NOC2L: variants seen among roughly 807,000 people sequenced by gnomAD.
NOC2L encodes nucleolar complex protein 2 homolog.
NOC2L carries 101 observed loss-of-function variants against 94.2 expected under a neutral mutation model. The ratio of observed to expected loss-of-function variants is 1.07; its 90% CI spans 0.91 to 1.26. The LOEUF (loss-of-function observed/expected upper bound fraction) is 1.26, where lower values mean the gene tolerates loss of function less well. NOC2L is among the 50% of genes most tolerant of loss of function. NOC2L has a pLI of 0.00. For synonymous variants in NOC2L, 531 were observed against 413.4 expected, an observed-to-expected ratio of 1.28 and a Z score of -3.45; for missense variants, 1,076 against 980.1, an observed-to-expected ratio of 1.10 and a Z score of -1.31.
chr1:945,836 C>G (rs1421113547), intron 16 of NOC2L, among the ~76,000 whole-genome samples, 183 bp from the exon 17 acceptor site: 1 of 152,224 alleles, frequency 6.6e-6, no homozygotes, highest in African/African-American at 2.4e-5. Context: ...AAAGGCAGAG[C>G]CCTTCCTGCT....
At chr1:956,325 G>T in intron 4 of NOC2L, 110 bp from the exon 5 acceptor site, 2 of 1,308,800 alleles carry the variant, frequency 1.5e-6, no homozygotes, top group Non-Finnish European at 2.1e-6. Context: ...CAGACATAGG[G>T]CAGAGGTTGG....
Position 959,020 on chromosome 1 carries a change from A to T in NOC2L, c.88T>A (p.Ser30Thr), listed in dbSNP as rs748591290. The change falls in exon 2 of 19, where the codon TCC becomes ACC. Residue 30 changes from serine to threonine, a missense_variant. Transcript: ENST00000327044. The stretch of plus-strand genomic sequence containing the variant: ...GCTTGTGGAGAATTTTCGGACTCGG[A>T]TTCGGACTCGGAGTCAAAGCCCGAA... ...LASGFDSESESESENSPQAET... is the reference protein window; with the variant it reads ...LASGFDSESETESENSPQAET... 1.9e-6 allele frequency: 3 copies of T among 1,612,398 alleles called. No individual in the cohort carries two copies.
rs746559665 is a variant in NOC2L at position 945,106 on chromosome 1, G to A, written c.2094C>T (p.Asp698=). Residue 698 remains aspartate (D), a synonymous_variant, in exon 18 of 19, where the codon GAC becomes GAT. Coordinates refer to ENST00000327044, the MANE Select transcript of NOC2L (RefSeq NM_015658.4). ...CGCCCTCCTCCTCGTCCTCTTCATCGTCTTCCACCCCATGCCGAGTGCTCA... is the reference window on the plus strand; with the variant it reads ...CGCCCTCCTCCTCGTCCTCTTCATCATCTTCCACCCCATGCCGAGTGCTCA... ...RPLSTRHGVE[D]DEEDEEEGEE... The A allele has an allele frequency of 2.9e-5, 46 of 1,613,256 alleles. No individual in the cohort carries two copies. The highest frequency in any genetic ancestry group is 8.8e-5 in the South Asian group (8 of 90,970).
At chr1:946,746 C>A in intron 14 of NOC2L, 1 of 586,866 alleles carries the variant, frequency 1.7e-6, no homozygotes, top group South Asian at 2.1e-5. Context: ...CCAACCCTGC[C>A]CACTACTCAC....
chr1:945,314 C>T (rs563727574), intron 17 of NOC2L, 168 bp from the exon 18 acceptor site: 3 of 981,224 alleles, frequency 3.1e-6, no homozygotes, highest in East Asian at 5.2e-5. Context: ...GGCCTGGGGA[C>T]AGAGTTACCA....
In NOC2L at chr1:959,237, C is replaced by T; in HGVS notation, c.4G>A (p.Ala2Thr). The T allele has an allele frequency of 6.2e-7, 1 of 1,606,888 alleles. No individual in the cohort carries two copies. The highest frequency in any genetic ancestry group is 8.5e-7 in the Non-Finnish European group (1 of 1,177,386). The change falls in exon 1 of 19, where the codon GCA becomes ACA. Residue 2 changes from alanine to threonine, a missense_variant. Ala to Thr is a moderately conservative substitution (Grantham distance 58). Around this residue, in one of 3 missense-constraint regions of NOC2L, gnomAD observed 457 missense variants for 386.0 expected, o/e 1.18. Transcript: ENST00000327044. ...TACCTCTTGCGGCTCCCCGCAGCTG[C>T]CATGACACCAACCCGAAGCGTGCAC... is the stretch of plus-strand genomic sequence containing the variant. The part of the protein sequence containing the change: M[A>T]AAGSRKRRLA...
rs1162604753 is a variant in NOC2L at position 946,507 on chromosome 1, G to A, written c.1698C>T (p.Tyr566=). The change falls in exon 15 of 19, where the codon TAC becomes TAT. Residue 566 remains tyrosine (Y), a synonymous_variant. Transcript: ENST00000327044. ...CAAGCAGCTGCTGCACCTGCCGGCA[G>A]TAGTTGGCCACCTTGCACTCCCGGA... ...SFLRECKVAN[Y]CRQVQQLLGK... is the part of the protein sequence containing the mutation. 4.3e-6 allele frequency: 7 copies of A among 1,613,156 alleles called. No individual in the cohort carries two copies. The highest frequency in any genetic ancestry group is 1.7e-6 in the Non-Finnish European group (2 of 1,179,974).
At chr1:954,409 A>C in intron 6 of NOC2L, 13 of 292,966 alleles carry the variant, frequency 4.4e-5, no homozygotes, top group Non-Finnish European at 5.7e-5. Flanking sequence ...CCTTGATCAC[A>C]TCCCCACCGT....
chr1:948,385 G>A lies in NOC2L; in HGVS notation c.1557+105C>T, dbSNP rs557902070. The A allele has an allele frequency of 4.3e-5, 45 of 1,053,164 alleles. No individual in the cohort carries two copies. In the African/African-American group the frequency reaches 6.8e-4, roughly 16 times the overall value. The allele number at this position is 1,053,164 out of a possible 1,614,324, so 65.2% of individuals were successfully genotyped here. ...GCCCCAGCCCTGGGAGACCATGAAG[G>A]TCCATGCTTGAACTTGGAGGATGCC... On this transcript the variant is annotated intron_variant, in intron 13 of 18. Transcript: ENST00000327044.
At chr1:954,281 C>T in intron 6 of NOC2L, 199 bp from the exon 7 acceptor site, 1 of 551,280 alleles carries the variant, frequency 1.8e-6, no homozygotes, top group East Asian at 3.0e-5. Flanking sequence ...AGTGCATTAG[C>T]TCCTCCTTCA....
Position 959,045 on chromosome 1 carries a change from A to G in NOC2L, c.63T>C (p.Ala21=). The stretch of plus-strand genomic sequence containing the variant: ...ATTCGGACTCGGAGTCAAAGCCCGA[A>G]GCTAGGAACTCGTCCACCGTCAGCT... ...LAELTVDEFL[A]SGFDSESESE... Residue 21 remains alanine (A), a synonymous_variant, in exon 2 of 19, where the codon GCT becomes GCC. Coordinates refer to ENST00000327044, the MANE Select transcript of NOC2L (RefSeq NM_015658.4). 1 of 1,611,370 alleles carries G rather than the reference A, an allele frequency of 6.2e-7. No individual in the cohort carries two copies. Among genetic ancestry groups the G allele is most frequent in the Non-Finnish European group, 8.5e-7 (1 of 1,178,952 alleles).
rs539523093 is a variant in NOC2L, at chr1:957,782, C to T, written c.180-509G>A. On this transcript the variant is annotated intron_variant, in intron 2 of 18. Coordinates refer to ENST00000327044, the MANE Select transcript of NOC2L (RefSeq NM_015658.4). ...CCTTGTCACCTACAAGGCACTCCAC[C>T]GCTCAAACCCAGAAGTAACTCCCTG... 1.9e-4 allele frequency: 31 copies of T among 160,992 alleles called. No homozygotes were observed. In the South Asian group the frequency reaches 3.0e-3, roughly 16 times the overall value. The allele number at this position is 160,992 out of a possible 1,614,324, so 10.0% of individuals were successfully genotyped here.
Position 957,199 on chromosome 1 carries a change from T to C in NOC2L, c.254A>G (p.Lys85Arg), listed in dbSNP as rs762014153. Reference protein sequence around the residue: ...RLKDRDPEFYKFLQENDQSLL... With the variant: ...RLKDRDPEFYRFLQENDQSLL... ...GCTCTGGTCATTCTCCTGCAGGAAC[T>C]TGTAGAACTCGGGGTCTCTGTCCTT... The change falls in exon 3 of 19, where the codon AAG (lysine) becomes AGG (arginine). Residue 85 changes from lysine to arginine, a missense_variant. By Grantham distance (26) the Lys-to-Arg change is conservative. Coordinates refer to ENST00000327044, the MANE Select transcript of NOC2L (RefSeq NM_015658.4). 1.4e-5 allele frequency: 23 copies of C among 1,613,406 alleles called. No individual in the cohort carries two copies. The South Asian group carries it at 2.5e-4, about 18-fold the overall frequency.
chr1:955,901 C>G (rs991015698), intron 6 of NOC2L, 22 bp downstream of exon 6: 5 of 1,583,268 alleles, frequency 3.2e-6, no homozygotes, highest in Non-Finnish European at 4.3e-6. Flanking sequence ...ACCCTACCCC[C>G]CTTCACCCCC....
At chr1:957,970 G>A (rs1210395118) in intron 2 of NOC2L, 2 of 152,276 alleles carry the variant, frequency 1.3e-5, no homozygotes, top group African/African-American at 4.8e-5. Flanking sequence ...TCTGCTGCCT[G>A]AAATCCTAAG....
chr1:951,931 G>A lies in NOC2L; in HGVS notation c.1331+69C>T, dbSNP rs912883371. 3.1e-5 allele frequency: 47 copies of A among 1,538,888 alleles called. No individual in the cohort carries two copies. The Admixed American group carries it at 5.4e-4, about 18-fold the overall frequency. The stretch of plus-strand genomic sequence containing the variant: ...CAAGGCCCTGAACGCCAGAGGCACC[G>A]CCCACACAGTCCCAGCAAATTTGCT... On this transcript the variant is annotated intron_variant, in intron 11 of 18. Transcript: ENST00000327044.
Position 945,138 on chromosome 1 carries a change from T to TCA in NOC2L, c.2060_2061dup (p.Arg688Ter). On this transcript the variant is annotated frameshift_variant, in exon 18 of 19. Coordinates refer to ENST00000327044, the MANE Select transcript of NOC2L (RefSeq NM_015658.4). LOFTEE classifies it high-confidence loss of function. ...ACCCCATGCCGAGTGCTCAGGGGCC[T>TCA]CAGTATCCCTGAGGAACAAGAAGCA... The TCA allele has an allele frequency of 6.2e-7, 1 of 1,606,438 alleles. No individual in the cohort carries two copies. The highest frequency in any genetic ancestry group is 8.5e-7 in the Non-Finnish European group (1 of 1,176,294).
chr1:957,365 G>A (rs13303227), intron 2 of NOC2L, 92 bp from the exon 3 acceptor site: 1,195,779 of 1,270,322 alleles, frequency 0.94, 562,943 homozygotes, highest in Non-Finnish European at 0.95. Flanking sequence ...CTTCACAAGG[G>A]TTACCAACTA....
rs1373867804 is a variant in NOC2L at position 952,477 on chromosome 1, G to C, written c.1126C>G (p.His376Asp). 7 of 1,613,820 alleles carry C rather than the reference G, an allele frequency of 4.3e-6. No individual in the cohort carries two copies. Among genetic ancestry groups the C allele is most frequent in the Non-Finnish European group, 5.1e-6 (6 of 1,179,990 alleles). The change falls in exon 10 of 19, where the codon CAC becomes GAC. Residue 376 changes from histidine (H) to aspartate (D), a missense_variant. By Grantham distance (81) the His-to-Asp change is moderately conservative (BLOSUM62 -1). This residue lies in a region of NOC2L where 615 missense variants were observed against 577.4 expected (regional missense o/e 1.07). Coordinates refer to ENST00000327044, the MANE Select transcript of NOC2L (RefSeq NM_015658.4). ...LALEPGVAYQHAFLYIRQLAI... is the reference protein window; with the variant it reads ...LALEPGVAYQDAFLYIRQLAI... Reference sequence around the variant, plus strand: ...AGCTGGCGGATGTAGAGGAAGGCGTGCTGGTAGGCCACACCCGGCTCCAGG... The same window carrying C: ...AGCTGGCGGATGTAGAGGAAGGCGTCCTGGTAGGCCACACCCGGCTCCAGG...
Sources: allele counts gnomAD v4.1 joint callset (sites outside exome capture counted in the v4.1 genomes callset), GRCh38; gene constraint gnomAD v4.1.1; regional missense constraint gnomAD v4.1.1; transcripts MANE v1.5; gene names NCBI Gene and HGNC (gene_info 2026-07-23, HGNC 2026-07-21).